Variants in SLC7A11 observed in about 807,000 individuals in gnomAD.
The protein encoded by SLC7A11 is solute carrier family 7 member 11.
SLC7A11 carries 35 observed loss-of-function variants against 54.5 expected under a neutral mutation model. The observed-to-expected ratio is 0.64, with a 90% CI of 0.49 to 0.85. SLC7A11 has a LOEUF of 0.85. Ranked by LOEUF, SLC7A11 falls within the 40% of genes least tolerant of loss-of-function variation. The probability of loss-of-function intolerance (pLI) is 0.00; values close to 1 mark genes in which losing one functional copy is unlikely to be tolerated. For missense variants in SLC7A11, 583 were observed against 618.1 expected (o/e 0.94, Z 0.60); for synonymous variants, 230 against 225.2 (o/e 1.02, Z -0.19).
intron 5 of SLC7A11, among the ~76,000 whole-genome samples, chr4:138,216,337 T>G (rs1490210972): frequency 6.6e-6 from 1 of 151,988 alleles, no homozygotes; most frequent in Non-Finnish European, 1.5e-5. Context: ...GGGATAGGAT[T>G]TAAAAGGAAG....
In SLC7A11 at chr4:138,185,153, C is replaced by A; in HGVS notation, c.883G>T (p.Glu295Ter). 1 of 1,612,964 alleles carries A rather than the reference C, an allele frequency of 6.2e-7. No homozygotes were observed. The highest frequency in any genetic ancestry group is 1.1e-5 in the South Asian group (1 of 91,068). The part of the protein sequence containing the change: ...NVAYFTTINA[E>*]ELLLSNAVAV... ...ACTGCATTTGAAAGCAGCAGCTCCTCAGCATTAATGGTCGTAAAGTAGGCC... is the reference window on the plus strand; with the variant it reads ...ACTGCATTTGAAAGCAGCAGCTCCTAAGCATTAATGGTCGTAAAGTAGGCC... Residue 295 changes from glutamate (E) to a stop codon, truncating the protein, a stop_gained, in exon 7 of 12, where the codon GAG becomes TAG. Transcript: ENST00000280612. LOFTEE classifies it high-confidence loss of function.
chr4:138,182,593 CATTAT>C (rs975727683), intron 8 of SLC7A11, among the ~76,000 whole-genome samples, 200 bp from the exon 9 acceptor site: 4 of 152,114 alleles, frequency 2.6e-5, no homozygotes, highest in Admixed American at 2.6e-4. Context: ...AATCTGCCAA[CATTAT>C]ATTATTCTTT....
At chr4:138,237,702 T>A (rs1186906572) in intron 1 of SLC7A11, among the ~76,000 whole-genome samples, 1 of 4,920 alleles carries the variant, frequency 2.0e-4, no homozygotes, top group African/African-American at 7.8e-4. Context: ...CTAGCCAGAA[T>A]ATATATATAT....
At chr4:138,240,873 A>G (rs1471147535) in intron 1 of SLC7A11, among the ~76,000 whole-genome samples, 1 of 152,216 alleles carries the variant, frequency 6.6e-6, no homozygotes, top group Non-Finnish European at 1.5e-5. Context: ...AAACTCAGGT[A>G]GCTCTCTAGT....
Position 138,182,332 on chromosome 4 carries a change from G to C in SLC7A11, c.1081C>G (p.Arg361Gly), listed in dbSNP as rs577147876. Reference sequence around the variant, plus strand: ...ACAGCTGGTAGAGGAGTGTGCTTGCGGACATGAATCATGGAGAGGATTTCT... The same window carrying C: ...ACAGCTGGTAGAGGAGTGTGCTTGCCGACATGAATCATGGAGAGGATTTCT... ...LPEILSMIHV[R>G]KHTPLPAVIV... is the part of the protein sequence containing the mutation. Residue 361 changes from arginine (R) to glycine (G), a missense_variant, in exon 9 of 12, where the codon CGC (arginine) becomes GGC (glycine). Transcript: ENST00000280612. The C allele has an allele frequency of 3.1e-6, 5 of 1,611,480 alleles. No homozygotes were observed. The highest frequency in any genetic ancestry group is 4.2e-6 in the Non-Finnish European group (5 of 1,178,060).
At chr4:138,187,038 C>T (rs968119732) in intron 6 of SLC7A11, among the ~76,000 whole-genome samples, 1 of 152,086 alleles carries the variant, frequency 6.6e-6, no homozygotes, top group African/African-American at 2.4e-5. Flanking sequence ...AGTGAAGTAA[C>T]CTATCCAAAA....
intron 2 of SLC7A11, among the ~76,000 whole-genome samples, chr4:138,234,621 T>C (rs1738161270): frequency 6.6e-6 from 1 of 152,172 alleles, no homozygotes; most frequent in Admixed American, 6.5e-5. Flanking sequence ...GCAGAAATTG[T>C]GGCTGATTTC....
At chr4:138,213,532 C>CCT (rs71600143) in intron 6 of SLC7A11, among the ~76,000 whole-genome samples, 2,944 of 148,918 alleles carry the variant, frequency 0.02, 70 homozygotes, top group African/African-American at 0.056. Flanking sequence ...TTGTGTTTCT[C>CCT]CTCTCTCTCT....
intron 8 of SLC7A11, among the ~76,000 whole-genome samples, chr4:138,182,603 T>G (rs1181589790): frequency 1.3e-5 from 2 of 152,164 alleles, no homozygotes; most frequent in Non-Finnish European, 2.9e-5. Flanking sequence ...CATTATATTA[T>G]TCTTTGAAGA....
At chr4:138,219,980 C>A (rs1737771944) in intron 4 of SLC7A11, among the ~76,000 whole-genome samples, 1 of 146,498 alleles carries the variant, frequency 6.8e-6, no homozygotes, top group Admixed American at 7.0e-5. Flanking sequence ...CACTCTGTGG[C>A]CCAGGCTGGA....
Position 138,242,100 on chromosome 4 carries a change from G to A in SLC7A11, c.-31C>T, listed in dbSNP as rs754655872. 4.4e-6 allele frequency: 7 copies of A among 1,604,578 alleles called. No homozygotes were observed. The highest frequency in any genetic ancestry group is 2.2e-5 in the East Asian group (1 of 44,660). ...GGACACACGGGGGAAAAATAAAACA[G>A]AGGGAAAGAAAACAAAACTTTCAAC... On this transcript the variant is annotated 5_prime_UTR_variant, in exon 1 of 12. Coordinates refer to ENST00000280612, the MANE Select transcript of SLC7A11 (RefSeq NM_014331.4).
intron 6 of SLC7A11, among the ~76,000 whole-genome samples, chr4:138,197,050 A>G (rs1170109433): frequency 6.6e-6 from 1 of 152,240 alleles, no homozygotes; most frequent in Non-Finnish European, 1.5e-5. Context: ...ACTTGGTTCA[A>G]AAAGAAGAAA....
chr4:138,192,873 C>T (rs1014536092), intron 6 of SLC7A11, among the ~76,000 whole-genome samples: 1 of 152,030 alleles, frequency 6.6e-6, no homozygotes, highest in African/African-American at 2.4e-5. Flanking sequence ...CAACAAAGAA[C>T]AAAGTACAAT....
chr4:138,183,598 TCTCTGA>T (rs998739481), intron 7 of SLC7A11, among the ~76,000 whole-genome samples: 3 of 152,270 alleles, frequency 2.0e-5, no homozygotes, highest in Non-Finnish European at 2.9e-5. Flanking sequence ...ATGTGTATTG[TCTCTGA>T]CTCTGACAAG....
rs1319687506 is a variant in SLC7A11, at chr4:138,180,108, A to G, written c.1266+533T>C. ...TTATGGTAAATGGGTATCAAGTGGT[A>G]AATTTGTAGATCTTCTCTTTCCCTG... On this transcript the variant is annotated intron_variant, in intron 10 of 11. Coordinates refer to ENST00000280612, the MANE Select transcript of SLC7A11 (RefSeq NM_014331.4). 2.0e-5 allele frequency among the ~76,000 whole-genome samples: 3 copies of G among 152,134 alleles called. No homozygotes were observed. The East Asian group carries it at 5.8e-4, about 29-fold the overall frequency.
At position 138,165,864 on chromosome 4, in the gene SLC7A11, C is replaced by T. The variant is rs1384823393; in HGVS notation, c.*6092G>A. On this transcript the variant is annotated 3_prime_UTR_variant, in exon 12 of 12. Transcript: ENST00000280612. ...AAAACTATTAGGTAACAATTTTCTC[C>T]AAGAAGAGGATCAGATTACTTAAAA... 2 of 151,958 alleles carry T rather than the reference C, an allele frequency of 1.3e-5. No individual in the cohort carries two copies. The highest frequency in any genetic ancestry group is 4.8e-5 in the African/African-American group (2 of 41,386). The allele number at this position is 151,958 out of a possible 1,614,324, so 9.4% of individuals were successfully genotyped here.
At chr4:138,213,117 G>A (rs998414572) in intron 6 of SLC7A11, among the ~76,000 whole-genome samples, 1 of 151,960 alleles carries the variant, frequency 6.6e-6, no homozygotes, top group Admixed American at 6.6e-5. Flanking sequence ...GTTTACAGTC[G>A]TAAGGTAGCT....
Position 138,165,427 on chromosome 4 carries a change from A to G in SLC7A11, c.*6529T>C, listed in dbSNP as rs778996912. ...TGCCTTTTTCTGACATGTGCATACT[A>G]TAAAATCACAGGTAGCCAACATTTA... On this transcript the variant is annotated 3_prime_UTR_variant, in exon 12 of 12. Coordinates refer to ENST00000280612, the MANE Select transcript of SLC7A11 (RefSeq NM_014331.4). The G allele has an allele frequency of 6.6e-6, 1 of 152,578 alleles. No individual in the cohort carries two copies. Among genetic ancestry groups the G allele is most frequent in the African/African-American group, 2.4e-5 (1 of 41,444 alleles). The allele number at this position is 152,578 out of a possible 1,614,324, so 9.5% of individuals were successfully genotyped here.
At chr4:138,197,467 A>C (rs1737167057) in intron 6 of SLC7A11, among the ~76,000 whole-genome samples, 2 of 152,116 alleles carry the variant, frequency 1.3e-5, no homozygotes. Context: ...ACATTTTTTA[A>C]ATCTGAAAGA....
Sources: gnomAD v4.1 joint callset for allele counts (sites outside exome capture counted in the v4.1 genomes callset) on GRCh38, gnomAD v4.1.1 for gene constraint, MANE v1.5 for transcripts, NCBI Gene and HGNC (gene_info 2026-07-23, HGNC 2026-07-21) for gene names.